SGCD: variants seen among roughly 807,000 people sequenced by gnomAD.
SGCD encodes delta-sarcoglycan.
SGCD carries 18 observed loss-of-function variants against 36.6 expected under a neutral mutation model. That is an observed-to-expected ratio of 0.49 (90% confidence interval 0.34 to 0.73). SGCD has a LOEUF of 0.73. Among genes scored for constraint, SGCD ranks in the 30% least tolerant of loss-of-function variants. The pLI is 0.01. For synonymous variants in SGCD, 133 were observed against 130.6 expected (o/e 1.02, Z -0.12); for missense variants, 387 against 346.7 (o/e 1.12, Z -0.92).
At chr5:156,495,423 A>G (rs17053585) in intron 3 of SGCD, among the ~76,000 whole-genome samples, 7,079 of 152,236 alleles carry the variant, frequency 0.047, 221 homozygotes, top group East Asian at 0.17. Context: ...ACAAGTATCA[A>G]AACGGCACTG....
rs1252966942 is a variant in SGCD at position 156,559,976 on chromosome 5, G to GA, written c.295-29249dup. On this transcript the variant is annotated intron_variant, in intron 4 of 8. Coordinates refer to ENST00000337851, the MANE Select transcript of SGCD (RefSeq NM_000337.6). ...TTATATTTTTCCCTCCAATGGAAGAGAAAAAAGGACAATGTCTGAAGTTTC... is the reference window on the plus strand; with the variant it reads ...TTATATTTTTCCCTCCAATGGAAGAGAAAAAAAGGACAATGTCTGAAGTTTC... 8.5e-5 allele frequency among the ~76,000 whole-genome samples: 13 copies of GA among 152,188 alleles called. No individual in the cohort carries two copies. In the East Asian group the frequency reaches 2.5e-3, roughly 29 times the overall value.
At chr5:156,026,371 A>G (rs1444431991) in intron 1 of SGCD, among the ~76,000 whole-genome samples, 1 of 152,236 alleles carries the variant, frequency 6.6e-6, no homozygotes, top group Non-Finnish European at 1.5e-5. Context: ...TTCTGAGGGA[A>G]GTGGATATAT....
chr5:156,005,186 A>C (rs1182933178), intron 1 of SGCD, among the ~76,000 whole-genome samples: 1 of 152,162 alleles, frequency 6.6e-6, no homozygotes, highest in Non-Finnish European at 1.5e-5. Context: ...CTGACACTGA[A>C]AACATCTGAA....
At chr5:155,964,463 C>A (rs756049547) in intron 1 of SGCD, among the ~76,000 whole-genome samples, 2 of 151,954 alleles carry the variant, frequency 1.3e-5, no homozygotes, top group African/African-American at 2.4e-5. Context: ...CTCAGCCTCC[C>A]GAATAGGTGG....
intron 3 of SGCD, among the ~76,000 whole-genome samples, chr5:156,273,278 T>A (rs1202402686): frequency 6.6e-6 from 1 of 152,200 alleles, no homozygotes; most frequent in Non-Finnish European, 1.5e-5. Flanking sequence ...TTGCTGTGCT[T>A]GTAGTGTTTA....
At chr5:156,083,713 A>G (rs1761025036) in intron 1 of SGCD, among the ~76,000 whole-genome samples, 3 of 143,538 alleles carry the variant, frequency 2.1e-5, no homozygotes, top group African/African-American at 7.8e-5. Context: ...TACAGTTTAT[A>G]TTTTTCATTT....
At chr5:156,245,827 A>G (rs1030142511) in intron 3 of SGCD, among the ~76,000 whole-genome samples, 1 of 152,196 alleles carries the variant, frequency 6.6e-6, no homozygotes, top group South Asian at 2.1e-4. Context: ...GCAATATATT[A>G]GTGTAATGCA....
intron 6 of SGCD, among the ~76,000 whole-genome samples, chr5:156,606,884 TG>T (rs1761487614): frequency 6.6e-6 from 1 of 152,246 alleles, no homozygotes; most frequent in Non-Finnish European, 1.5e-5. Context: ...TTGTGATTTT[TG>T]CACATTGACT....
At chr5:156,233,611 T>A (rs1306729267) in intron 3 of SGCD, among the ~76,000 whole-genome samples, 3 of 152,204 alleles carry the variant, frequency 2.0e-5, no homozygotes, top group Admixed American at 2.0e-4. Context: ...TCTTACAGTG[T>A]CACATTTTTG....
intron 3 of SGCD, among the ~76,000 whole-genome samples, chr5:156,353,383 A>G (rs1261072540): frequency 6.6e-6 from 1 of 152,192 alleles, no homozygotes; most frequent in Non-Finnish European, 1.5e-5. Flanking sequence ...TTGATTATGA[A>G]AAGGTATTTT....
At chr5:156,491,322 T>A (rs1755926914) in intron 3 of SGCD, among the ~76,000 whole-genome samples, 2 of 152,100 alleles carry the variant, frequency 1.3e-5, no homozygotes, top group African/African-American at 4.8e-5. Flanking sequence ...ATGACACTCT[T>A]CACAAAGTAC....
At chr5:156,017,099 T>C (rs1759000129) in intron 1 of SGCD, among the ~76,000 whole-genome samples, 1 of 152,180 alleles carries the variant, frequency 6.6e-6, no homozygotes, top group Admixed American at 6.5e-5. Context: ...CAACTAATGG[T>C]TGGGAAATTT....
At chr5:156,317,792 A>C (rs1436416589) in intron 3 of SGCD, among the ~76,000 whole-genome samples, 3 of 152,180 alleles carry the variant, frequency 2.0e-5, no homozygotes, top group Non-Finnish European at 4.4e-5. Flanking sequence ...TAATAATAGA[A>C]TATTAAAGTG....
At chr5:156,122,127 G>C (rs1470274905) in intron 2 of SGCD, among the ~76,000 whole-genome samples, 1 of 152,132 alleles carries the variant, frequency 6.6e-6, no homozygotes, top group Non-Finnish European at 1.5e-5. Flanking sequence ...GAGATGGAAT[G>C]CTTTTGGTTC....
At chr5:156,168,631 G>A (rs967095976) in intron 3 of SGCD, among the ~76,000 whole-genome samples, 1 of 152,312 alleles carries the variant, frequency 6.6e-6, no homozygotes, top group Middle Eastern at 3.4e-3. Flanking sequence ...AATACACCTT[G>A]TGTGTGCTAC....
At chr5:156,166,582 A>G (rs894674296) in intron 3 of SGCD, among the ~76,000 whole-genome samples, 1 of 152,226 alleles carries the variant, frequency 6.6e-6, no homozygotes, top group Non-Finnish European at 1.5e-5. Flanking sequence ...GGCCTCCCAC[A>G]GTGCTGGGAT....
In SGCD at chr5:156,333,783, A is replaced by ATTTTTTTT. The variant is rs70984404; in HGVS notation, c.3+4234_3+4241dup. On this transcript the variant is annotated intron_variant, in intron 2 of 8. Coordinates refer to ENST00000337851, the MANE Select transcript of SGCD (RefSeq NM_000337.6). ...GTGCTTTCTTTATGTTAGAAAAGTG[A>ATTTTTTTT]TTTTTTTTTTTTTTTTTTTTTTTTT... Among the ~76,000 whole-genome samples the ATTTTTTTT allele has an allele frequency of 4.0e-3, 79 of 19,950 alleles. 10 individuals carry two copies. The highest frequency in any genetic ancestry group is 4.8e-3 in the African/African-American group (25 of 5,232). The allele number at this position is 19,950 out of a possible 152,430, so 13.1% of individuals were successfully genotyped here.
At chr5:156,239,362 T>G (rs1765246595) in intron 3 of SGCD, among the ~76,000 whole-genome samples, 1 of 129,162 alleles carries the variant, frequency 7.7e-6, no homozygotes, top group African/African-American at 3.0e-5. Flanking sequence ...ATTGCGCCAC[T>G]GCCCTCCAAC....
the SGCD span, among the ~76,000 whole-genome samples, chr5:155,730,296 T>A: frequency 7.9e-5 from 12 of 152,276 alleles, no homozygotes; most frequent in Admixed American, 2.0e-4. Context: ...CTTCCAAAAT[T>A]GCCCAGTAAC....
Sources: allele counts gnomAD v4.1 joint callset (sites outside exome capture counted in the v4.1 genomes callset), GRCh38; gene constraint gnomAD v4.1.1; transcripts MANE v1.5; gene names NCBI Gene and HGNC (gene_info 2026-07-23, HGNC 2026-07-21).